Variants in SYNE1 observed in about 807,000 individuals in gnomAD.
The protein encoded by SYNE1 is spectrin repeat containing nuclear envelope protein 1.
In SYNE1, 616 loss-of-function variants were observed where a neutral mutation model predicts 1,111.0. That is an observed-to-expected ratio of 0.55 (90% CI 0.52 to 0.59). The LOEUF is 0.59. Among genes scored for constraint, SYNE1 ranks in the 20% least tolerant of loss-of-function variants. The pLI is 0.00. For synonymous variants in SYNE1, 3,855 were observed against 3,825.8 expected (o/e 1.01, Z -0.28); for missense variants, 10,006 against 10,417.0 (o/e 0.96, Z 1.72).
intron 3 of SYNE1, among the ~76,000 whole-genome samples, chr6:152,605,013 AG>A (rs1445367130): frequency 2.0e-4 from 10 of 48,878 alleles, no homozygotes; most frequent in African/African-American, 8.4e-4. Context: ...AGAAAGAGAG[AG>A]AGAGAGAGAG....
intron 3 of SYNE1, among the ~76,000 whole-genome samples, chr6:152,599,653 T>C (rs2099591473): frequency 6.6e-6 from 1 of 152,194 alleles, no homozygotes; most frequent in Non-Finnish European, 1.5e-5. Context: ...AACTGCTCAT[T>C]ATGTAACTAA....
chr6:152,397,167 G>A (rs1591846277), intron 49 of SYNE1, among the ~76,000 whole-genome samples, 187 bp from the exon 50 acceptor site: 1 of 152,162 alleles, frequency 6.6e-6, no homozygotes, highest in East Asian at 1.9e-4. Flanking sequence ...CCAGCCACTG[G>A]AACCACTGAG....
chr6:152,495,510 C>T (rs1310018052), intron 11 of SYNE1, among the ~76,000 whole-genome samples: 5 of 152,190 alleles, frequency 3.3e-5, no homozygotes, highest in Non-Finnish European at 7.3e-5. Context: ...TTGCCTTCTA[C>T]TTTTAAACTT....
chr6:152,381,203 A>G lies in SYNE1; in HGVS notation c.8812T>C (p.Phe2938Leu), dbSNP rs919427159. 31 of 1,614,096 alleles carry G rather than the reference A, an allele frequency of 1.9e-5. No homozygotes were observed. The Admixed American group carries it at 2.5e-4, about 13-fold the overall frequency. Residue 2938 changes from phenylalanine to leucine, a missense_variant, in exon 56 of 146, where the codon TTC (phenylalanine) becomes CTC (leucine). Physicochemically the swap from Phe to Leu is conservative, Grantham distance 22. Coordinates refer to ENST00000367255, the MANE Select transcript of SYNE1 (RefSeq NM_182961.4). Reference protein sequence around the residue: ...ADWKQWEDSVFQTQSCLENLV... With the variant: ...ADWKQWEDSVLQTQSCLENLV... ...TTCTCCAAACAGCTCTGCGTTTGGA[A>G]TACACTGTCTTCCCACTGCTTCCAG... is the stretch of plus-strand genomic sequence containing the variant.
chr6:152,225,992 T>A lies in SYNE1; in HGVS notation c.21196-116A>T, dbSNP rs986751469. The stretch of plus-strand genomic sequence containing the variant: ...AAAACCTTTTACTAATCCAAAAAGC[T>A]TATCTCTTTCAGAAGAGGCACGCTG... On this transcript the variant is annotated intron_variant, in intron 115 of 145. Coordinates refer to ENST00000367255, the MANE Select transcript of SYNE1 (RefSeq NM_182961.4). 4.8e-6 allele frequency: 5 copies of A among 1,033,380 alleles called. No homozygotes were observed. The African/African-American group carries it at 6.4e-5, about 13-fold the overall frequency. The allele number at this position is 1,033,380 out of a possible 1,614,324, so 64.0% of individuals were successfully genotyped here. A position where few individuals can be genotyped will look rare whatever the true frequency, so the allele number is the denominator to read the frequency against.
chr6:152,302,120 T>C (rs1279763760), intron 91 of SYNE1, 57 bp from the exon 92 acceptor site: 26 of 1,608,142 alleles, frequency 1.6e-5, no homozygotes, highest in South Asian at 4.4e-5. Context: ...GAAACAGAAG[T>C]AGTAGCGTTC....
chr6:152,429,176 C>T (rs2098404607), intron 36 of SYNE1, among the ~76,000 whole-genome samples: 1 of 151,692 alleles, frequency 6.6e-6, no homozygotes, highest in African/African-American at 2.4e-5. Flanking sequence ...CATGTATTGA[C>T]TCTTTTCATC....
Position 152,219,493 on chromosome 6 carries a change from G to GAA in SYNE1, c.21862-310_21862-309dup, listed in dbSNP as rs34187904. On this transcript the variant is annotated intron_variant, in intron 119 of 145. Transcript: ENST00000367255. The stretch of plus-strand genomic sequence containing the variant: ...AATGCAGAAAAACATACATAAACAA[G>GAA]AAAAAAAAAAAAAACAAACATGACC... Among the ~76,000 whole-genome samples the GAA allele has an allele frequency of 9.0e-3, 1,196 of 132,960 alleles. 25 individuals carry two copies. The highest frequency in any genetic ancestry group is 0.027 in the African/African-American group (1,007 of 36,926). The allele number at this position is 132,960 out of a possible 152,430, so 87.2% of individuals were successfully genotyped here. A position where few individuals can be genotyped will look rare whatever the true frequency, so the allele number is the denominator to read the frequency against.
At chr6:152,272,243 A>C (rs1320934991) in intron 98 of SYNE1, among the ~76,000 whole-genome samples, 1 of 152,224 alleles carries the variant, frequency 6.6e-6, no homozygotes, top group African/African-American at 2.4e-5. Context: ...CCTGGGGATA[A>C]GAAGGTGCAG....
chr6:152,421,302 CTT>C (rs2098255484), intron 39 of SYNE1, among the ~76,000 whole-genome samples: 1 of 152,146 alleles, frequency 6.6e-6, no homozygotes, highest in South Asian at 2.1e-4. Flanking sequence ...TGTTGAGAGA[CTT>C]TTGAAAGTCT....
chr6:152,285,150 C>A (rs969702667), intron 95 of SYNE1, among the ~76,000 whole-genome samples: 1 of 152,132 alleles, frequency 6.6e-6, no homozygotes, highest in Non-Finnish European at 1.5e-5. Flanking sequence ...GCCTGTCTTC[C>A]ACCACCTCTC....
intron 127 of SYNE1, among the ~76,000 whole-genome samples, chr6:152,199,182 A>AT (rs11321301): frequency 2.0e-5 from 3 of 151,596 alleles, no homozygotes; most frequent in Non-Finnish European, 4.4e-5. Context: ...TTGATTTAAA[A>AT]TTTTTTTTTC....
At chr6:152,509,127 A>G (rs190387590) in intron 8 of SYNE1, among the ~76,000 whole-genome samples, 15 of 152,300 alleles carry the variant, frequency 9.8e-5, no homozygotes, top group South Asian at 2.1e-4. Context: ...CATACTCTAC[A>G]TGAAAGGACT....
chr6:152,538,808 G>A (rs2099256211), intron 4 of SYNE1, among the ~76,000 whole-genome samples: 1 of 152,054 alleles, frequency 6.6e-6, no homozygotes, highest in Non-Finnish European at 1.5e-5. Context: ...TTCTCATCAA[G>A]TGCTGTGGGG....
At chr6:152,325,452 T>C in intron 80 of SYNE1, 150 bp from the exon 81 acceptor site, 1 of 721,164 alleles carries the variant, frequency 1.4e-6, no homozygotes, top group Non-Finnish European at 2.3e-6. Flanking sequence ...CTCTTACTTT[T>C]ATGTTTATTT....
intron 82 of SYNE1, among the ~76,000 whole-genome samples, chr6:152,323,235 G>T (rs1436581905): frequency 6.6e-6 from 1 of 152,098 alleles, no homozygotes. Flanking sequence ...CGGATCACGA[G>T]GTCAGGAGAT....
rs151034170 is a variant in SYNE1, at chr6:152,141,303, G to A, written c.25146C>T (p.Ser8382=). 3.0e-4 allele frequency: 477 copies of A among 1,614,062 alleles called. 3 individuals carry two copies. In the East Asian group the frequency reaches 0.01, roughly 34 times the overall value. ...CCAGTCTCTTCACGGAGTCTATACT[G>A]CTACTGCATTCGCCCAGCAGTTTCA... ...GYMKLLGECS[S]SIDSVKRLEH... Residue 8382 remains serine, a synonymous_variant, in exon 139 of 146, where the codon AGC becomes AGT. Transcript: ENST00000367255.
At chr6:152,269,762 C>A (rs967739362) in intron 98 of SYNE1, among the ~76,000 whole-genome samples, 1 of 152,098 alleles carries the variant, frequency 6.6e-6, no homozygotes, top group African/African-American at 2.4e-5. Context: ...TTAGAATAAT[C>A]TTCCTAAAAA....
At chr6:152,187,392 G>T (rs532105664) in intron 128 of SYNE1, among the ~76,000 whole-genome samples, 1 of 152,104 alleles carries the variant, frequency 6.6e-6, no homozygotes, top group Non-Finnish European at 1.5e-5. Flanking sequence ...TGAAGTATGA[G>T]GATAAGCATC....
Sources: allele counts gnomAD v4.1 joint callset (sites outside exome capture counted in the v4.1 genomes callset), GRCh38; gene constraint gnomAD v4.1.1; transcripts MANE v1.5; gene names NCBI Gene and HGNC (gene_info 2026-07-23, HGNC 2026-07-21).